CALHM6: variants seen among roughly 807,000 people sequenced by gnomAD.
CALHM6 encodes the protein calcium homeostasis modulator protein 6.
Under a neutral mutation model 12.7 loss-of-function variants are expected in CALHM6, and 15 were observed. The ratio of observed to expected loss-of-function variants is 1.18; its 90% CI spans 0.79 to 1.82. The LOEUF is 1.82. CALHM6 is among the 40% of genes most tolerant of loss of function. CALHM6 has a pLI of 0.00. For synonymous variants in CALHM6, 212 were observed against 193.7 expected, an observed-to-expected ratio of 1.09 and a Z score of -0.78; for missense variants, 434 against 421.0, an observed-to-expected ratio of 1.03 and a Z score of -0.27.
At position 116,463,529 on chromosome 6, in the gene CALHM6, C is replaced by T; in HGVS notation, c.772C>T (p.Gln258Ter). The change falls in exon 3 of 3, where the codon CAG becomes TAG. Residue 258 changes from glutamine to a stop codon, truncating the protein, a stop_gained. Transcript: ENST00000368605. LOFTEE classifies it low-confidence loss of function (END_TRUNC). ...EYNTPSMKEW[Q>*]QISSLYTFNP... ...TAACACTCCAAGCATGAAAGAGTGG[C>T]AGCAAATTTCATCACTGTATACTTT... The T allele has an allele frequency of 6.2e-7, 1 of 1,614,100 alleles. No homozygotes were observed. Among genetic ancestry groups the T allele is most frequent in the Non-Finnish European group, 8.5e-7 (1 of 1,179,998 alleles).
intron 2 of CALHM6, 73 bp from the exon 3 acceptor site, chr6:116,463,210 T>G: frequency 6.9e-7 from 1 of 1,448,352 alleles, no homozygotes; most frequent in East Asian, 2.3e-5. Flanking sequence ...TAGTTGAAAC[T>G]TTATCTGAGG....
chr6:116,461,640 A>C (rs976456027), intron 1 of CALHM6, among the ~76,000 whole-genome samples: 1 of 151,896 alleles, frequency 6.6e-6, no homozygotes, highest in Non-Finnish European at 1.5e-5. Flanking sequence ...TGGGGGAGGA[A>C]GATAACTGGT....
rs1270782524 is a variant in CALHM6, at chr6:116,463,733, G to A, written c.*28G>A. Reference sequence around the variant, plus strand: ...TTTTGAATGAGTAGAAAAAAAAATTGTTTTGAATTATTGCTTTATTAAAAA... The same window carrying A: ...TTTTGAATGAGTAGAAAAAAAAATTATTTTGAATTATTGCTTTATTAAAAA... On this transcript the variant is annotated 3_prime_UTR_variant, in exon 3 of 3. Transcript: ENST00000368605. 6.9e-7 allele frequency: 1 copy of A among 1,448,152 alleles called. No individual in the cohort carries two copies. The highest frequency in any genetic ancestry group is 2.5e-5 in the Admixed American group (1 of 39,968). The allele number at this position is 1,448,152 out of a possible 1,614,324, so 89.7% of individuals were successfully genotyped here.
rs1209632863 is a variant in CALHM6 at position 116,461,488 on chromosome 6, G to A, written c.-59+59G>A. The A allele has an allele frequency of 2.7e-6, 4 of 1,485,764 alleles. No individual in the cohort carries two copies. In the East Asian group the frequency reaches 9.8e-5, roughly 37 times the overall value. 92.0% of individuals were successfully genotyped at this position (1,485,764 alleles called of 1,614,324 possible). On this transcript the variant is annotated intron_variant, in intron 1 of 2. Coordinates refer to ENST00000368605, the MANE Select transcript of CALHM6 (RefSeq NM_001010919.3). ...TTACTGTGATCTGGCTTAGTAACTA[G>A]GGTGGCTGCAATAGAGGAAAATCTG...
chr6:116,463,766 T>C lies in CALHM6; in HGVS notation c.*61T>C. 2 of 1,336,042 alleles carry C rather than the reference T, an allele frequency of 1.5e-6. No individual in the cohort carries two copies. Among genetic ancestry groups the C allele is most frequent in the Non-Finnish European group, 2.0e-6 (2 of 992,780 alleles). The allele number at this position is 1,336,042 out of a possible 1,614,324, so 82.8% of individuals were successfully genotyped here. On this transcript the variant is annotated 3_prime_UTR_variant, in exon 3 of 3. Coordinates refer to ENST00000368605, the MANE Select transcript of CALHM6 (RefSeq NM_001010919.3). ...TTATTGCTTTATTAAAAAATAAACA[T>C]TGGTATTTTTTGAGTGCTTTTTTTC...
rs1024248444 is a variant in CALHM6, at chr6:116,462,442, G to T, written c.513G>T (p.Lys171Asn). 1.3e-5 allele frequency: 19 copies of T among 1,498,030 alleles called. No homozygotes were observed. In the African/African-American group the frequency reaches 1.8e-4, roughly 14 times the overall value. 92.8% of individuals were successfully genotyped at this position (1,498,030 alleles called of 1,614,324 possible). Reference protein sequence around the residue: ...SDVQDLLKDLKAQSQVLGWIL... With the variant: ...SDVQDLLKDLNAQSQVLGWIL... Reference sequence around the variant, plus strand: ...TGCAGGACCTCCTGAAGGATCTGAAGGCTCAGTCGCAGGTCTGCCGCTGGC... The same window carrying T: ...TGCAGGACCTCCTGAAGGATCTGAATGCTCAGTCGCAGGTCTGCCGCTGGC... The change falls in exon 2 of 3, where the codon AAG becomes AAT. Residue 171 changes from lysine to asparagine, a missense_variant. Lys to Asn is a moderately conservative substitution (Grantham distance 94, BLOSUM62 0). Coordinates refer to ENST00000368605, the MANE Select transcript of CALHM6 (RefSeq NM_001010919.3).
Position 116,463,770 on chromosome 6 carries a change from T to C in CALHM6, c.*65T>C. The C allele has an allele frequency of 7.6e-7, 1 of 1,322,608 alleles. No homozygotes were observed. Among genetic ancestry groups the C allele is most frequent in the East Asian group, 2.4e-5 (1 of 41,840 alleles). 81.9% of individuals were successfully genotyped at this position (1,322,608 alleles called of 1,614,324 possible). A position where few individuals can be genotyped will look rare whatever the true frequency, so the allele number is the denominator to read the frequency against. On this transcript the variant is annotated 3_prime_UTR_variant, in exon 3 of 3. Transcript: ENST00000368605. ...TGCTTTATTAAAAAATAAACATTGG[T>C]ATTTTTTGAGTGCTTTTTTTCTTCC...
In CALHM6 at chr6:116,462,215, TC is replaced by T; in HGVS notation, c.289del (p.Leu97TrpfsTer71). On this transcript the variant is annotated frameshift_variant, in exon 2 of 3. Coordinates refer to ENST00000368605, the MANE Select transcript of CALHM6 (RefSeq NM_001010919.3). LOFTEE classifies it high-confidence loss of function. The part of the protein sequence containing the change: ...RASCGSALRG[S>X]LVCTQISAAA... ...GAGTTGCGGATCGGCGCTGCGCGGC[TC>T]CCTGGTGTGCACGCAAATCAGCGCG... 1 of 1,442,720 alleles carries T rather than the reference TC, an allele frequency of 6.9e-7. No individual in the cohort carries two copies. The highest frequency in any genetic ancestry group is 9.1e-7 in the Non-Finnish European group (1 of 1,102,836). The allele number at this position is 1,442,720 out of a possible 1,614,324, so 89.4% of individuals were successfully genotyped here. A position where few individuals can be genotyped will look rare whatever the true frequency, so the allele number is the denominator to read the frequency against.
In CALHM6 at chr6:116,462,414, A is replaced by G; in HGVS notation, c.485A>G (p.Asp162Gly). ...LVPCNQAKAS[D>G]VQDLLKDLKA... ...CCGTGCAACCAGGCCAAGGCGTCGG[A>G]CGTGCAGGACCTCCTGAAGGATCTG... The change falls in exon 2 of 3, where the codon GAC becomes GGC. Residue 162 changes from aspartate (D) to glycine (G), a missense_variant. Coordinates refer to ENST00000368605, the MANE Select transcript of CALHM6 (RefSeq NM_001010919.3). The G allele has an allele frequency of 6.7e-7, 1 of 1,496,772 alleles. No individual in the cohort carries two copies. The highest frequency in any genetic ancestry group is 8.9e-7 in the Non-Finnish European group (1 of 1,123,998). The allele number at this position is 1,496,772 out of a possible 1,614,324, so 92.7% of individuals were successfully genotyped here.
In CALHM6 at chr6:116,463,181, C is replaced by T. The variant is rs1784817013; in HGVS notation, c.526-102C>T. 4 of 1,138,820 alleles carry T rather than the reference C, an allele frequency of 3.5e-6. No homozygotes were observed. In the South Asian group the frequency reaches 4.6e-5, roughly 13 times the overall value. 70.5% of individuals were successfully genotyped at this position (1,138,820 alleles called of 1,614,324 possible). On this transcript the variant is annotated intron_variant, in intron 2 of 2. Transcript: ENST00000368605. ...TTAAGACCTAAAACTGTTGCTTGTT[C>T]ATCATCATAACTGGCGAGTAGTTGA...
intron 1 of CALHM6, 96 bp from the exon 2 acceptor site, chr6:116,461,776 G>T: frequency 1.1e-6 from 1 of 925,276 alleles, no homozygotes; most frequent in Non-Finnish European, 1.5e-6. Context: ...GAAGGTCTGA[G>T]AAGCCCTCTT....
chr6:116,462,265 C>G lies in CALHM6; in HGVS notation c.336C>G (p.Thr112=), dbSNP rs971234040. 2.2e-6 allele frequency: 3 copies of G among 1,378,700 alleles called. No individual in the cohort carries two copies. In the African/African-American group the frequency reaches 4.6e-5, roughly 21 times the overall value. 85.4% of individuals were successfully genotyped at this position (1,378,700 alleles called of 1,614,324 possible). A position where few individuals can be genotyped will look rare whatever the true frequency, so the allele number is the denominator to read the frequency against. The change falls in exon 2 of 3, where the codon ACC becomes ACG. Residue 112 remains threonine (T), a synonymous_variant. Transcript: ENST00000368605. ...CGGCCGCCGCGCTCGCGCCCCTCAC[C>G]TGGGTGGCCGTGGCGCTGCTCGGGG... is the stretch of plus-strand genomic sequence containing the variant. ...ISAAAALAPL[T]WVAVALLGGA...
Position 116,462,143 on chromosome 6 carries a change from G to T in CALHM6, c.214G>T (p.Ala72Ser), listed in dbSNP as rs1430243008. The T allele has an allele frequency of 2.6e-6, 4 of 1,531,762 alleles. No individual in the cohort carries two copies. Among genetic ancestry groups the T allele is most frequent in the East Asian group, 2.5e-5 (1 of 40,424 alleles). The allele number at this position is 1,531,762 out of a possible 1,614,324, so 94.9% of individuals were successfully genotyped here. A position where few individuals can be genotyped will look rare whatever the true frequency, so the allele number is the denominator to read the frequency against. Reference protein sequence around the residue: ...ALFLLGYVLSARTWRLLTGCC... With the variant: ...ALFLLGYVLSSRTWRLLTGCC... ...CTTCCTCCTGGGCTACGTGCTGAGCGCACGCACGTGGCGCCTGCTCACCGG... is the reference window on the plus strand; with the variant it reads ...CTTCCTCCTGGGCTACGTGCTGAGCTCACGCACGTGGCGCCTGCTCACCGG... Residue 72 changes from alanine to serine, a missense_variant, in exon 2 of 3, where the codon GCA becomes TCA. By Grantham distance (99) the Ala-to-Ser change is moderately conservative. Transcript: ENST00000368605.
In CALHM6 at chr6:116,463,444, A is replaced by T; in HGVS notation, c.687A>T (p.Ala229=). The change falls in exon 3 of 3, where the codon GCA becomes GCT. Residue 229 remains alanine (A), a synonymous_variant. Transcript: ENST00000368605. ...QILKSKATEH[A]TELAKENIKC... ...TTAAAAGTAAAGCCACAGAGCATGC[A>T]ACTGAATTGGCAAAAGAGAATATTA... 1 of 1,614,198 alleles carries T rather than the reference A, an allele frequency of 6.2e-7. No individual in the cohort carries two copies. Among genetic ancestry groups the T allele is most frequent in the South Asian group, 1.1e-5 (1 of 91,088 alleles).
At chr6:116,462,617 G>T in intron 2 of CALHM6, 163 bp downstream of exon 2, 1 of 500,816 alleles carries the variant, frequency 2.0e-6, no homozygotes. Flanking sequence ...GAGAATATCT[G>T]AATAAAACGA....
At position 116,461,436 on chromosome 6, in the gene CALHM6, A is replaced by T; in HGVS notation, c.-59+7A>T. ...TCCTTGAATAATGTTTCCCGTAAGT[A>T]ATCAGTTTTTTGATAATTATTTGGT... is the stretch of plus-strand genomic sequence containing the variant. On this transcript the variant is annotated splice_region_variant and intron_variant, in intron 1 of 2. Transcript: ENST00000368605. 1 of 1,550,260 alleles carries T rather than the reference A, an allele frequency of 6.5e-7. No homozygotes were observed. Among genetic ancestry groups the T allele is most frequent in the Non-Finnish European group, 8.7e-7 (1 of 1,146,668 alleles).
Position 116,462,062 on chromosome 6 carries a change from G to C in CALHM6, c.133G>C (p.Ala45Pro). 6.5e-7 allele frequency: 1 copy of C among 1,547,960 alleles called. No homozygotes were observed. Among genetic ancestry groups the C allele is most frequent in the Non-Finnish European group, 8.7e-7 (1 of 1,146,426 alleles). The change falls in exon 2 of 3, where the codon GCC becomes CCC. Residue 45 changes from alanine to proline, a missense_variant. Coordinates refer to ENST00000368605, the MANE Select transcript of CALHM6 (RefSeq NM_001010919.3). ...CGTGGCATTCCAGTGCCCGTGCAGC[G>C]CCGCCTGGAACCTGCCCTACGGCCT... The part of the protein sequence containing the change: ...SAVAFQCPCS[A>P]AWNLPYGLVF...
chr6:116,461,883 G>C lies in CALHM6; in HGVS notation c.-47G>C. ...CATTTGACAAGCAGGACAACGAAGA[G>C]GCAGAAGGATCTGGGCCTGTGCGCG... is the stretch of plus-strand genomic sequence containing the variant. On this transcript the variant is annotated 5_prime_UTR_variant, in exon 2 of 3. Transcript: ENST00000368605. 6.9e-7 allele frequency: 1 copy of C among 1,440,238 alleles called. No individual in the cohort carries two copies. Among genetic ancestry groups the C allele is most frequent in the South Asian group, 1.4e-5 (1 of 69,200 alleles). 89.2% of individuals were successfully genotyped at this position (1,440,238 alleles called of 1,614,324 possible).
At chr6:116,462,920 A>G (rs1784811036) in intron 2 of CALHM6, among the ~76,000 whole-genome samples, 1 of 152,210 alleles carries the variant, frequency 6.6e-6, no homozygotes, top group Admixed American at 6.5e-5. Flanking sequence ...TATAGAATAA[A>G]ATGGGTTTGT....
Sources: gnomAD v4.1 joint callset for allele counts (sites outside exome capture counted in the v4.1 genomes callset) on GRCh38, gnomAD v4.1.1 for gene constraint, MANE v1.5 for transcripts, NCBI Gene and HGNC (gene_info 2026-07-23, HGNC 2026-07-21) for gene names.